Variants in ZNF420 observed in about 807,000 individuals in gnomAD.
The protein encoded by ZNF420 is ATM and p53-associated KZNF protein.
In ZNF420, 31 loss-of-function variants were observed where a neutral mutation model predicts 44.7. That is an observed-to-expected ratio of 0.69 (90% CI 0.52 to 0.94). The LOEUF is 0.94. Ranked by LOEUF, ZNF420 falls within the 40% of genes least tolerant of loss-of-function variation. The pLI is 0.00. For synonymous variants in ZNF420, 245 were observed against 267.4 expected (o/e 0.92, Z 0.82); for missense variants, 681 against 827.9 (o/e 0.82, Z 2.18).
chr19:37,128,170 T>C lies in ZNF420; in HGVS notation c.1179T>C (p.Cys393=). 6.2e-7 allele frequency: 1 copy of C among 1,614,068 alleles called. No individual in the cohort carries two copies. The highest frequency in any genetic ancestry group is 8.5e-7 in the Non-Finnish European group (1 of 1,179,976). The stretch of plus-strand genomic sequence containing the variant: ...ACACCAATGAAAAGCCCTATGAATG[T>C]AAGGAATGTGGAAAGATGTTTAGTC... ...RIHTNEKPYE[C]KECGKMFSHG... is the part of the protein sequence containing the mutation. Residue 393 remains cysteine, a synonymous_variant, in exon 5 of 5, where the codon TGT becomes TGC. Coordinates refer to ENST00000337995, the MANE Select transcript of ZNF420 (RefSeq NM_144689.5).
intron 1 of ZNF420, among the ~76,000 whole-genome samples, chr19:37,026,788 G>T (rs1171504837): frequency 2.0e-5 from 3 of 152,214 alleles, no homozygotes; most frequent in Non-Finnish European, 4.4e-5. Context: ...TTAGATAAGT[G>T]AATTTGGAGG....
intron 1 of ZNF420, among the ~76,000 whole-genome samples, chr19:37,050,698 C>T (rs1261742270): frequency 6.6e-6 from 1 of 152,162 alleles, no homozygotes; most frequent in Non-Finnish European, 1.5e-5. Flanking sequence ...TAATTGAATA[C>T]CCTTTACTTC....
At chr19:37,083,723 C>G (rs905515662) in intron 2 of ZNF420, among the ~76,000 whole-genome samples, 1 of 152,120 alleles carries the variant, frequency 6.6e-6, no homozygotes, top group Middle Eastern at 3.2e-3. Context: ...ATTCCAGGCT[C>G]ATTTTGTACA....
At chr19:37,007,944 C>T (rs534766984) in exon 1 of ZNF420, 16 of 162,388 alleles carry the variant, frequency 9.9e-5, no homozygotes, top group Admixed American at 1.9e-4. Flanking sequence ...CCTCACCTCT[C>T]CAGGAGGTCG....
intron 4 of ZNF420, among the ~76,000 whole-genome samples, chr19:37,125,002 A>T (rs1288340009): frequency 1.3e-5 from 2 of 151,974 alleles, no homozygotes; most frequent in East Asian, 3.9e-4. Context: ...ATGCCTGGCT[A>T]ATTTTTTGTA....
At chr19:37,104,063 G>T (rs1969933903) in intron 4 of ZNF420, among the ~76,000 whole-genome samples, 1 of 149,158 alleles carries the variant, frequency 6.7e-6, no homozygotes, top group African/African-American at 2.5e-5. Context: ...CATGTGCCAT[G>T]TTGGTGTACT....
At chr19:37,077,733 C>T (rs1295903636), upstream of ZNF420, among the ~76,000 whole-genome samples, 1 of 152,104 alleles carries the variant, frequency 6.6e-6, no homozygotes, top group African/African-American at 2.4e-5. Flanking sequence ...TTATATAACA[C>T]AGATCACCAG....
At chr19:37,020,379 A>G (rs749171948) in intron 1 of ZNF420, among the ~76,000 whole-genome samples, 8 of 152,078 alleles carry the variant, frequency 5.3e-5, no homozygotes, top group Non-Finnish European at 1.0e-4. Context: ...GAACAGAAAC[A>G]TTGCAGCCCC....
chr19:37,011,254 G>A (rs1451991177), intron 1 of ZNF420, among the ~76,000 whole-genome samples: 2 of 152,174 alleles, frequency 1.3e-5, no homozygotes, highest in Non-Finnish European at 2.9e-5. Flanking sequence ...TGGTGGATTG[G>A]GCAGGTTTGA....
intron 1 of ZNF420, among the ~76,000 whole-genome samples, chr19:37,020,013 C>G (rs886930255): frequency 1.3e-5 from 2 of 151,926 alleles, no homozygotes; most frequent in Non-Finnish European, 2.9e-5. Flanking sequence ...GTCAGGAGAT[C>G]GAGAACATCC....
intron 1 of ZNF420, among the ~76,000 whole-genome samples, chr19:37,038,236 A>C (rs1273665668): frequency 6.6e-6 from 1 of 152,244 alleles, no homozygotes. Flanking sequence ...CTTGATTGCC[A>C]AAAAATGCTA....
intron 4 of ZNF420, among the ~76,000 whole-genome samples, chr19:37,126,852 G>A (rs999579478): frequency 6.6e-6 from 1 of 152,012 alleles, no homozygotes; most frequent in African/African-American, 2.4e-5. Context: ...CATGAAATCA[G>A]TGTAGTGGGG....
At chr19:37,044,383 T>C (rs1967509565) in intron 1 of ZNF420, among the ~76,000 whole-genome samples, 2 of 151,908 alleles carry the variant, frequency 1.3e-5, no homozygotes, top group South Asian at 4.2e-4. Flanking sequence ...GATCGGTGGG[T>C]GGCAGGGAGC....
intron 4 of ZNF420, among the ~76,000 whole-genome samples, chr19:37,098,913 AT>A (rs1309527022): frequency 2.0e-5 from 3 of 152,156 alleles, no homozygotes; most frequent in Non-Finnish European, 4.4e-5. Context: ...TAGGTTCCAC[AT>A]ATGAGTGAGA....
chr19:37,121,206 G>T (rs1396156373), intron 4 of ZNF420, among the ~76,000 whole-genome samples: 1 of 146,264 alleles, frequency 6.8e-6, no homozygotes, highest in Non-Finnish European at 1.5e-5. Context: ...GAGGCATCAT[G>T]CTACCTGACC....
At chr19:37,099,877 C>T (rs544075995) in intron 4 of ZNF420, among the ~76,000 whole-genome samples, 164 of 152,198 alleles carry the variant, frequency 1.1e-3, no homozygotes, top group African/African-American at 3.9e-3. Context: ...CCCGCCTGGG[C>T]CCCCCAAAGA....
chr19:37,029,796 C>T (rs138406505), intron 1 of ZNF420, among the ~76,000 whole-genome samples: 769 of 152,198 alleles, frequency 5.1e-3, no homozygotes, highest in Non-Finnish European at 8.2e-3. Context: ...GCATGAGCCA[C>T]GCGCCTGGCC....
intron 2 of ZNF420, among the ~76,000 whole-genome samples, chr19:37,085,934 G>T (rs867211632): frequency 1.2e-3 from 132 of 112,168 alleles, no homozygotes; most frequent in African/African-American, 4.4e-3. Context: ...CCTGGCTGAT[G>T]TTTTATTATT....
chr19:37,010,097 C>T (rs1364542579), intron 1 of ZNF420, among the ~76,000 whole-genome samples: 5 of 152,210 alleles, frequency 3.3e-5, no homozygotes, highest in African/African-American at 1.2e-4. Flanking sequence ...AGAGGATTAT[C>T]CCGTCACAGT....
Sources: allele counts gnomAD v4.1 joint callset (sites outside exome capture counted in the v4.1 genomes callset), GRCh38; gene constraint gnomAD v4.1.1; transcripts MANE v1.5; gene names NCBI Gene and HGNC (gene_info 2026-07-23, HGNC 2026-07-21).